RCE1: variants seen among roughly 807,000 people sequenced by gnomAD.
RCE1 encodes CAAX prenyl protease 2.
A neutral mutation model predicts 35.0 loss-of-function variants in RCE1; 15 were observed. That is an observed-to-expected ratio of 0.43 (90% CI 0.29 to 0.66). The LOEUF (loss-of-function observed/expected upper bound fraction) is 0.66, where lower values mean the gene tolerates loss of function less well. Ranked by LOEUF, RCE1 falls within the 30% of genes least tolerant of loss-of-function variation. The pLI is 0.17. For synonymous variants in RCE1, 261 were observed against 192.7 expected (o/e 1.35, Z -2.94); for missense variants, 434 against 433.0 (o/e 1.00, Z -0.02).
At chr11:66,843,935 G>GAA (rs755644435) in intron 2 of RCE1, 21 bp from the exon 3 acceptor site, 3 of 1,614,100 alleles carry the variant, frequency 1.9e-6, no homozygotes, top group Non-Finnish European at 2.5e-6. Flanking sequence ...CAAAACTGAT[G>GAA]CCCCCTTTCC....
In RCE1 at chr11:66,845,202, G is replaced by A. The variant is rs367622666; in HGVS notation, c.656G>A (p.Arg219His). The A allele has an allele frequency of 3.1e-6, 5 of 1,614,094 alleles. No individual in the cohort carries two copies. The highest frequency in any genetic ancestry group is 2.2e-5 in the East Asian group (1 of 44,900). ...CATATTATTGAGCAGCTGCGTTTCC[G>A]CCAGAGCAGCGTGGGGAACATCTTC... ...FHHIIEQLRF[R>H]QSSVGNIFLS... The change falls in exon 6 of 8, where the codon CGC (arginine) becomes CAC (histidine). Residue 219 changes from arginine to histidine, a missense_variant. By Grantham distance (29) the Arg-to-His change is conservative. Coordinates refer to ENST00000309657, the MANE Select transcript of RCE1 (RefSeq NM_005133.3).
Position 66,845,876 on chromosome 11 carries a change from G to T in RCE1, c.771G>T (p.Pro257=). 1.2e-6 allele frequency: 2 copies of T among 1,613,442 alleles called. No individual in the cohort carries two copies. Among genetic ancestry groups the T allele is most frequent in the Non-Finnish European group, 1.7e-6 (2 of 1,180,002 alleles). ...LFIRTGHLIG[P]VLCHSFCNYM... is the part of the protein sequence containing the mutation. The stretch of plus-strand genomic sequence containing the variant: ...TTTCCCCAGGACACCTGATTGGGCC[G>T]GTTCTCTGCCATTCCTTCTGCAATT... Residue 257 remains proline, a synonymous_variant, in exon 8 of 8, where the codon CCG becomes CCT. Transcript: ENST00000309657.
rs772533458 is a variant in RCE1, at chr11:66,843,645, G to A, written c.185+5G>A. ...CTGGAAGAGCGAACTGCCCAGGTGC[G>A]GGGGCTGCGCGCGACCGGAATCCGC... On this transcript the variant is annotated splice_donor_5th_base_variant and intron_variant, in intron 1 of 7. Coordinates refer to ENST00000309657, the MANE Select transcript of RCE1 (RefSeq NM_005133.3). 6.2e-7 allele frequency: 1 copy of A among 1,602,580 alleles called. No individual in the cohort carries two copies. The highest frequency in any genetic ancestry group is 8.5e-7 in the Non-Finnish European group (1 of 1,176,714).
At chr11:66,844,755 T>A in intron 4 of RCE1, 114 bp from the exon 5 acceptor site, 2 of 1,384,370 alleles carry the variant, frequency 1.4e-6, no homozygotes, top group Non-Finnish European at 1.9e-6. Context: ...GCAGTATTGA[T>A]GCCTAACCTG....
chr11:66,843,702 G>A, intron 1 of RCE1, 57 bp from the exon 2 acceptor site: 11 of 1,603,788 alleles, frequency 6.9e-6, no homozygotes, highest in Admixed American at 1.7e-5. Context: ...CGAGCCGGGG[G>A]CGGGTCCGTG....
chr11:66,845,687 C>T, intron 7 of RCE1, 125 bp downstream of exon 7: 1 of 1,514,102 alleles, frequency 6.6e-7, no homozygotes, highest in Non-Finnish European at 9.1e-7. Context: ...GAGCCAGAGC[C>T]CTCAGCCTGG....
intron 5 of RCE1, 49 bp downstream of exon 5, chr11:66,845,085 G>A (rs1945180030): frequency 6.2e-7 from 1 of 1,610,982 alleles, no homozygotes; most frequent in African/African-American, 1.3e-5. Context: ...TGAGAGCTCA[G>A]AAGGGGGCTT....
rs757122849 is a variant in RCE1 at position 66,844,972 on chromosome 11, C to T, written c.555C>T (p.Pro185=). The T allele has an allele frequency of 2.2e-5, 35 of 1,606,062 alleles. No individual in the cohort carries two copies. The South Asian group carries it at 2.4e-4, about 11-fold the overall frequency. ...EELVFRACML[P]MLAPCMGLGP... is the part of the protein sequence containing the mutation. ...TGGTGTTCCGGGCCTGTATGCTGCC[C>T]ATGTTAGCACCGTGCATGGGCCTGG... Residue 185 remains proline, a synonymous_variant, in exon 5 of 8, where the codon CCC becomes CCT. Transcript: ENST00000309657.
intron 4 of RCE1, chr11:66,844,617 G>C (rs1366692452): frequency 2.8e-6 from 2 of 726,494 alleles, no homozygotes; most frequent in Non-Finnish European, 4.4e-6. Context: ...TCCCCAACCA[G>C]AGCTAGTCTT....
At position 66,846,009 on chromosome 11, in the gene RCE1, C is replaced by T. The variant is rs757269218; in HGVS notation, c.904C>T (p.Leu302Phe). 4.3e-6 allele frequency: 7 copies of T among 1,613,962 alleles called. No homozygotes were observed. In the South Asian group the frequency reaches 6.6e-5, roughly 15 times the overall value. Residue 302 changes from leucine to phenylalanine, a missense_variant, in exon 8 of 8, where the codon CTC becomes TTC. Transcript: ENST00000309657. ...ACTCTTCCTGCTTCTGCTCCAGCCC[C>T]TCACGGACCCCAAGCTCTACGGCAG... is the stretch of plus-strand genomic sequence containing the variant. ...VGLFLLLLQPLTDPKLYGSLP... is the reference protein window; with the variant it reads ...VGLFLLLLQPFTDPKLYGSLP...
At position 66,846,129 on chromosome 11, in the gene RCE1, G is replaced by A. The variant is rs761998857; in HGVS notation, c.*34G>A. 1.6e-5 allele frequency: 25 copies of A among 1,548,310 alleles called. No homozygotes were observed. Among genetic ancestry groups the A allele is most frequent in the Admixed American group, 1.5e-4 (8 of 54,576 alleles). On this transcript the variant is annotated 3_prime_UTR_variant, in exon 8 of 8. Coordinates refer to ENST00000309657, the MANE Select transcript of RCE1 (RefSeq NM_005133.3). ...CCTGGATACGCTATGAACTCTCACC[G>A]GCTCCCCAGCCCTCCCCACCAAGGG...
rs747395080 is a variant in RCE1 at position 66,843,656 on chromosome 11, G to T, written c.185+16G>T. On this transcript the variant is annotated intron_variant, in intron 1 of 7. Transcript: ENST00000309657. ...AACTGCCCAGGTGCGGGGGCTGCGC[G>T]CGACCGGAATCCGCGCCCTGCGGGC... 3 of 1,603,074 alleles carry T rather than the reference G, an allele frequency of 1.9e-6. No homozygotes were observed. Among genetic ancestry groups the T allele is most frequent in the African/African-American group, 2.7e-5 (2 of 74,662 alleles).
intron 7 of RCE1, 125 bp downstream of exon 7, chr11:66,845,687 C>G: frequency 6.6e-7 from 1 of 1,514,102 alleles, no homozygotes; most frequent in South Asian, 1.2e-5. Flanking sequence ...GAGCCAGAGC[C>G]CTCAGCCTGG....
Position 66,846,105 on chromosome 11 carries a change from C to A in RCE1, c.*10C>A. 6.3e-7 allele frequency: 1 copy of A among 1,593,342 alleles called. No individual in the cohort carries two copies. Among genetic ancestry groups the A allele is most frequent in the South Asian group, 1.1e-5 (1 of 89,082 alleles). ...TCCCCTGTGCTCCTGACCTATGCTC[C>A]TGGATACGCTATGAACTCTCACCGG... On this transcript the variant is annotated 3_prime_UTR_variant, in exon 8 of 8. Coordinates refer to ENST00000309657, the MANE Select transcript of RCE1 (RefSeq NM_005133.3).
chr11:66,845,624 T>G (rs1945196007), intron 7 of RCE1, 62 bp downstream of exon 7: 10 of 1,609,586 alleles, frequency 6.2e-6, no homozygotes, highest in Non-Finnish European at 8.5e-6. Context: ...AGAATGGGAA[T>G]ACTGTTTGTT....
Position 66,845,597 on chromosome 11 carries a change from C to T in RCE1, c.754+35C>T, listed in dbSNP as rs375905552. 2.0e-5 allele frequency: 33 copies of T among 1,613,724 alleles called. No homozygotes were observed. In the African/African-American group the frequency reaches 4.0e-4, roughly 20 times the overall value. On this transcript the variant is annotated intron_variant, in intron 7 of 7. Coordinates refer to ENST00000309657, the MANE Select transcript of RCE1 (RefSeq NM_005133.3). ...CAGTCCCTCATGGGTCCCTGGGGGC[C>T]CACAGGAGCGGGTGGGAGAATGGGA...
chr11:66,844,754 A>G, intron 4 of RCE1, 115 bp from the exon 5 acceptor site: 1 of 1,379,012 alleles, frequency 7.3e-7, no homozygotes, highest in Non-Finnish European at 9.5e-7. Context: ...AGCAGTATTG[A>G]TGCCTAACCT....
At chr11:66,844,078 T>TTCA (rs758551206) in intron 3 of RCE1, 39 bp downstream of exon 3, 4 of 1,613,754 alleles carry the variant, frequency 2.5e-6, no homozygotes, top group Non-Finnish European at 3.4e-6. Context: ...TGGTCTTTGT[T>TTCA]ATCAGCCTGA....
chr11:66,845,942 A>C lies in RCE1; in HGVS notation c.837A>C (p.Pro279=). The C allele has an allele frequency of 6.2e-7, 1 of 1,613,802 alleles. No homozygotes were observed. The highest frequency in any genetic ancestry group is 1.1e-5 in the South Asian group (1 of 91,084). Residue 279 remains proline (P), a synonymous_variant, in exon 8 of 8, where the codon CCA becomes CCC. Coordinates refer to ENST00000309657, the MANE Select transcript of RCE1 (RefSeq NM_005133.3). ...FPAVCAALEH[P]QRRPLLAGYA... is the part of the protein sequence containing the mutation. ...CTGTTTGCGCGGCCTTGGAGCACCC[A>C]CAGAGGCGGCCCCTGCTGGCAGGCT...
Sources: allele counts gnomAD v4.1 joint callset, GRCh38; gene constraint gnomAD v4.1.1; transcripts MANE v1.5; gene names NCBI Gene and HGNC (gene_info 2026-07-23, HGNC 2026-07-21).